The following RSPH10B variants were observed in gnomAD, a reference collection of about 807,000 sequenced individuals.
RSPH10B encodes radial spoke head 10 homolog B, also known as radial spoke head 10 homolog B (Chlamydomonas).
RSPH10B carries 7 observed loss-of-function variants against 52.5 expected under a neutral mutation model. That is an observed-to-expected ratio of 0.13 (90% CI 0.08 to 0.25). The LOEUF (loss-of-function observed/expected upper bound fraction) is 0.25. Among genes scored for constraint, RSPH10B ranks in the 10% least tolerant of loss-of-function variants. RSPH10B has a pLI of 1.00. For missense variants in RSPH10B, 89 were observed against 542.5 expected, an observed-to-expected ratio of 0.16 and a Z score of 8.30; for synonymous variants, 28 against 193.2, an observed-to-expected ratio of 0.14 and a Z score of 7.09.
intron 18 of RSPH10B, among the ~76,000 whole-genome samples, chr7:5,927,690 CT>C (rs1182697518): frequency 6.8e-6 from 1 of 147,354 alleles, no homozygotes; most frequent in Non-Finnish European, 1.5e-5. Context: ...GACCCCAGCA[CT>C]TTGGGAGGCC....
chr7:5,957,930 C>CAGT lies in RSPH10B; in HGVS notation c.756_757insACT (p.Thr252dup). On this transcript the variant is annotated inframe_insertion, in exon 6 of 19. Transcript: ENST00000337579. ...ACCTGGATGCCCCTCTCCCACCGCC[C>CAGT]GGTGTACTCTTCGTTGGTGGTCAGC... is the stretch of plus-strand genomic sequence containing the variant. 3 of 1,315,648 alleles carry CAGT rather than the reference C, an allele frequency of 2.3e-6. No homozygotes were observed. In the South Asian group the frequency reaches 4.6e-5, roughly 20 times the overall value. The allele number at this position is 1,315,648 out of a possible 1,614,324, so 81.5% of individuals were successfully genotyped here.
chr7:5,940,942 AATTATTATTATTATT>A (rs752116609), intron 13 of RSPH10B, among the ~76,000 whole-genome samples: 7 of 45,964 alleles, frequency 1.5e-4, no homozygotes, highest in African/African-American at 3.2e-4. Context: ...TAATAATAAT[AATTATTATTATTATT>A]ATTATTATTA....
At chr7:5,928,564 G>A (rs1412417319) in intron 17 of RSPH10B, among the ~76,000 whole-genome samples, 170 bp from the exon 20 acceptor site, 1 of 151,232 alleles carries the variant, frequency 6.6e-6, no homozygotes, top group Admixed American at 6.6e-5. Flanking sequence ...CAAGGCAGGG[G>A]CTCAGCAGAC....
chr7:5,940,939 A>ATTATT (rs1562565169), intron 13 of RSPH10B, among the ~76,000 whole-genome samples: 3 of 49,842 alleles, frequency 6.0e-5, no homozygotes, highest in African/African-American at 1.7e-4. Flanking sequence ...TAATAATAAT[A>ATTATT]ATAATTATTA....
intron 3 of RSPH10B, among the ~76,000 whole-genome samples, chr7:5,961,562 C>T (rs1185274414): frequency 1.1e-5 from 1 of 87,940 alleles, no homozygotes; most frequent in African/African-American, 4.2e-5. Context: ...AGGCTGGTCT[C>T]GAACTCCTGA....
chr7:5,940,943 AT>A (rs1467793051), intron 13 of RSPH10B, among the ~76,000 whole-genome samples: 3,189 of 60,770 alleles, frequency 0.052, 229 homozygotes, highest in African/African-American at 0.16. Context: ...AATAATAATA[AT>A]TATTATTATT....
rs144559081 is a variant in RSPH10B, at chr7:5,943,448, C to T, written c.1634G>A (p.Arg545Gln). ...CATGTAACTCATAGAGTAGAGCGTC[C>T]GCTGTTGCTCACGGAATAAATTGCC... Residue 545 changes from arginine (R) to glutamine (Q), a missense_variant, in exon 13 of 19, where the codon CGG becomes CAG. Coordinates refer to ENST00000337579, the Ensembl canonical transcript of RSPH10B. 4.6e-4 allele frequency: 728 copies of T among 1,588,408 alleles called. 4 individuals are homozygous for T. The African/African-American group carries it at 8.6e-3, about 19-fold the overall frequency.
chr7:5,927,073 TGTG>T (rs1779514365), intron 18 of RSPH10B, among the ~76,000 whole-genome samples: 9 of 106,204 alleles, frequency 8.5e-5, no homozygotes, highest in Middle Eastern at 5.2e-3. Flanking sequence ...TGTGTATATG[TGTG>T]TGTGTGTGTG....
intron 17 of RSPH10B, among the ~76,000 whole-genome samples, chr7:5,928,887 A>G (rs1211221659): frequency 6.7e-6 from 1 of 148,594 alleles, no homozygotes; most frequent in Admixed American, 6.7e-5. Flanking sequence ...CGGCCTCCCA[A>G]AGTGCTGGGA....
At chr7:5,957,792 T>A in intron 6 of RSPH10B, 115 bp downstream of exon 8, 2 of 1,426,516 alleles carry the variant, frequency 1.4e-6, no homozygotes, top group Non-Finnish European at 9.2e-7. Context: ...AGAGAGAGAC[T>A]CTGTCTCAAA....
At chr7:5,950,519 T>C (rs1258953612) in intron 9 of RSPH10B, among the ~76,000 whole-genome samples, 3 of 150,992 alleles carry the variant, frequency 2.0e-5, no homozygotes, top group Non-Finnish European at 4.4e-5. Context: ...TGCAGTGAGC[T>C]GAGATCGTGC....
intron 13 of RSPH10B, among the ~76,000 whole-genome samples, chr7:5,942,884 T>C (rs1290261439): frequency 3.6e-5 from 5 of 137,668 alleles, no homozygotes; most frequent in Non-Finnish European, 7.8e-5. Context: ...ATTAAAAATA[T>C]ATATATATTT....
chr7:5,943,043 A>G (rs908721847), intron 13 of RSPH10B, among the ~76,000 whole-genome samples: 3 of 147,836 alleles, frequency 2.0e-5, no homozygotes, highest in Non-Finnish European at 4.5e-5. Context: ...TGGGATTGCA[A>G]TATATATATA....
chr7:5,927,074 G>GTGTGTGTGTGTATATA (rs1779516090), intron 18 of RSPH10B, among the ~76,000 whole-genome samples: 1 of 74,206 alleles, frequency 1.3e-5, no homozygotes, highest in African/African-American at 6.1e-5. Context: ...GTGTATATGT[G>GTGTGTGTGTGTATATA]TGTGTGTGTG....
Position 5,927,646 on chromosome 7 carries a change from T to C in RSPH10B, c.2432+550A>G, listed in dbSNP as rs373485737. On this transcript the variant is annotated intron_variant, in intron 18 of 18. Coordinates refer to ENST00000337579, the Ensembl canonical transcript of RSPH10B. Reference sequence around the variant, plus strand: ...GGTTTTGAACTCTTGGGTCAAGAAATAGAAAATAGCTGCATGCAGTGACTC... The same window carrying C: ...GGTTTTGAACTCTTGGGTCAAGAAACAGAAAATAGCTGCATGCAGTGACTC... Among the ~76,000 whole-genome samples, 499 of 140,780 alleles carry C rather than the reference T, an allele frequency of 3.5e-3. 4 individuals are homozygous for C. The highest frequency in any genetic ancestry group is 0.013 in the African/African-American group (459 of 34,402). The allele number at this position is 140,780 out of a possible 152,430, so 92.4% of individuals were successfully genotyped here. A position where few individuals can be genotyped will look rare whatever the true frequency, so the allele number is the denominator to read the frequency against.
In RSPH10B at chr7:5,943,423, C is replaced by T. The variant is rs1403441391; in HGVS notation, c.1659G>A (p.Met553Ile). ...CGAGATAAATCTCCCAGCACTTATTCATGTAACTCATAGAGTAGAGCGTCC... is the reference window on the plus strand; with the variant it reads ...CGAGATAAATCTCCCAGCACTTATTTATGTAACTCATAGAGTAGAGCGTCC... Residue 553 changes from methionine (M) to isoleucine (I), a missense_variant, in exon 13 of 19, where the codon ATG becomes ATA. By Grantham distance (10) the Met-to-Ile change is conservative. Coordinates refer to ENST00000337579, the Ensembl canonical transcript of RSPH10B. 4.4e-6 allele frequency: 7 copies of T among 1,602,352 alleles called. 1 individual carries two copies. Among genetic ancestry groups the T allele is most frequent in the Non-Finnish European group, 6.0e-6 (7 of 1,172,650 alleles).
intron 13 of RSPH10B, among the ~76,000 whole-genome samples, chr7:5,941,899 GT>G (rs1199623695): frequency 5.5e-5 from 8 of 145,832 alleles, no homozygotes; most frequent in African/African-American, 1.0e-4. Context: ...CACTTCCTTA[GT>G]TTTTTTTTTG....
At chr7:5,947,628 T>G (rs2128632785) in intron 10 of RSPH10B, among the ~76,000 whole-genome samples, 1 of 102,224 alleles carries the variant, frequency 9.8e-6, no homozygotes, top group African/African-American at 3.5e-5. Context: ...GGCAGGAGAG[T>G]CACTTGAACC....
At chr7:5,940,923 AAAT>A (rs76986048) in intron 13 of RSPH10B, among the ~76,000 whole-genome samples, 5,304 of 76,920 alleles carry the variant, frequency 0.069, 477 homozygotes, top group South Asian at 0.12. Flanking sequence ...AAGACTGTCA[AAAT>A]AATAATAATA....
Sources: gnomAD v4.1 joint callset for allele counts (sites outside exome capture counted in the v4.1 genomes callset) on GRCh38, gnomAD v4.1.1 for gene constraint, MANE v1.5 for transcripts, NCBI Gene and HGNC (gene_info 2026-07-23, HGNC 2026-07-21) for gene names.